Variants in VIPR2 observed in about 807,000 individuals in gnomAD.
The protein encoded by VIPR2 is vasoactive intestinal peptide receptor 2.
VIPR2 carries 48 observed loss-of-function variants against 58.0 expected under a neutral mutation model. That is an observed-to-expected ratio of 0.83 (90% CI 0.66 to 1.05). VIPR2 has a LOEUF of 1.05. Among genes scored for constraint, VIPR2 ranks in the 50% least tolerant of loss-of-function variants. VIPR2 has a pLI of 0.00. For synonymous variants in VIPR2, 243 were observed against 235.2 expected (o/e 1.03, Z -0.30); for missense variants, 534 against 558.0 (o/e 0.96, Z 0.43).
chr7:159,033,449 G>A (rs73522235), intron 10 of VIPR2, among the ~76,000 whole-genome samples: 1,637 of 152,306 alleles, frequency 0.011, 20 homozygotes, highest in African/African-American at 0.037. Flanking sequence ...CACCAAGCCA[G>A]TGTTTAGTTT....
chr7:159,070,569 G>C (rs1398483841), intron 4 of VIPR2, among the ~76,000 whole-genome samples: 1 of 152,144 alleles, frequency 6.6e-6, no homozygotes, highest in Non-Finnish European at 1.5e-5. Context: ...CAGCACGTCA[G>C]GCGTTGTGGG....
intron 6 of VIPR2, among the ~76,000 whole-genome samples, chr7:159,039,592 T>C (rs901559851): frequency 2.2e-4 from 8 of 36,498 alleles, no homozygotes; most frequent in Admixed American, 1.2e-3. Context: ...TGTGGGAGGG[T>C]GTTAGTGGGT....
At chr7:159,088,298 C>A (rs1857294309) in intron 4 of VIPR2, among the ~76,000 whole-genome samples, 1 of 152,124 alleles carries the variant, frequency 6.6e-6, no homozygotes, top group Non-Finnish European at 1.5e-5. Context: ...TGAACACCCG[C>A]ATACCCACTG....
chr7:159,038,402 G>A (rs768618251), intron 6 of VIPR2, among the ~76,000 whole-genome samples: 3 of 152,158 alleles, frequency 2.0e-5, no homozygotes, highest in Non-Finnish European at 4.4e-5. Context: ...CGCGGATCTC[G>A]TGTGTCAACG....
At chr7:159,043,803 G>GT (rs1354359404) in intron 5 of VIPR2, among the ~76,000 whole-genome samples, 1 of 152,220 alleles carries the variant, frequency 6.6e-6, no homozygotes, top group African/African-American at 2.4e-5. Context: ...CTGAGAAGTG[G>GT]TTTTGCAGAC....
rs1400387573 is a variant in VIPR2 at position 159,103,822 on chromosome 7, A to G, written c.292T>C (p.Trp98Arg). Residue 98 changes from tryptophan to arginine, a missense_variant, in exon 4 of 13, where the codon TGG (tryptophan) becomes CGG (arginine). By Grantham distance (101) the Trp-to-Arg change is moderately radical (BLOSUM62 -3). Coordinates refer to ENST00000262178, the MANE Select transcript of VIPR2 (RefSeq NM_003382.5). ...ACGAAATCTGGGAACGTCTCTGACC[A>G]TCCGTCACTCGTACAGTTTTTGCTT... Reference protein sequence around the residue: ...NISKNCTSDGWSETFPDFVDA... With the variant: ...NISKNCTSDGRSETFPDFVDA... 1.9e-6 allele frequency: 3 copies of G among 1,614,176 alleles called. No individual in the cohort carries two copies. The highest frequency in any genetic ancestry group is 2.5e-6 in the Non-Finnish European group (3 of 1,180,032).
intron 5 of VIPR2, among the ~76,000 whole-genome samples, chr7:159,049,236 T>A (rs566927010): frequency 5.6e-4 from 86 of 152,324 alleles, no homozygotes; most frequent in Non-Finnish European, 1.1e-3. Context: ...ACACTTAAAT[T>A]CTGCTTCAGA....
chr7:159,063,787 T>C lies in VIPR2; in HGVS notation c.358-5209A>G, dbSNP rs13307604. ...GGGGTCTGGGAGTCCAGGTGGGGTC[T>C]GGGGGTCCTGGTGGGGTCCGGGGGT... On this transcript the variant is annotated intron_variant, in intron 4 of 12. Transcript: ENST00000262178. Among the ~76,000 whole-genome samples, 182 of 40,148 alleles carry C rather than the reference T, an allele frequency of 4.5e-3. 2 individuals are homozygous for C. Among genetic ancestry groups the C allele is most frequent in the African/African-American group, 0.02 (139 of 6,820 alleles). 26.3% of individuals were successfully genotyped at this position (40,148 alleles called of 152,430 possible). A position where few individuals can be genotyped will look rare whatever the true frequency, so the allele number is the denominator to read the frequency against.
intron 4 of VIPR2, among the ~76,000 whole-genome samples, chr7:159,076,738 A>T (rs1369033784): frequency 6.6e-6 from 1 of 152,250 alleles, no homozygotes; most frequent in Admixed American, 6.5e-5. Flanking sequence ...GAAAAACAGG[A>T]ATTTACTCAA....
intron 4 of VIPR2, among the ~76,000 whole-genome samples, chr7:159,085,488 G>T (rs1857122417): frequency 6.6e-6 from 1 of 152,106 alleles, no homozygotes; most frequent in Non-Finnish European, 1.5e-5. Flanking sequence ...TAGAGACAGG[G>T]TTGCACCATG....
At chr7:159,037,004 G>T in intron 6 of VIPR2, 102 bp from the exon 7 acceptor site, 1 of 1,379,146 alleles carries the variant, frequency 7.3e-7, no homozygotes, top group Non-Finnish European at 9.8e-7. Context: ...TGGTATCTGT[G>T]CAAGGAAGGA....
At chr7:159,054,009 A>C (rs2129493827) in intron 5 of VIPR2, among the ~76,000 whole-genome samples, 1 of 152,356 alleles carries the variant, frequency 6.6e-6, no homozygotes, top group African/African-American at 2.4e-5. Context: ...GGTAATTATA[A>C]TAAACAGAAA....
intron 2 of VIPR2, among the ~76,000 whole-genome samples, chr7:159,118,146 T>TG (rs1177073711): frequency 6.6e-6 from 1 of 152,128 alleles, no homozygotes; most frequent in Non-Finnish European, 1.5e-5. Flanking sequence ...CTCTTCCTGC[T>TG]GGGGGGCTGC....
intron 4 of VIPR2, among the ~76,000 whole-genome samples, chr7:159,081,605 A>G (rs1856906217): frequency 6.6e-6 from 1 of 152,210 alleles, no homozygotes; most frequent in African/African-American, 2.4e-5. Flanking sequence ...AACAAAAGCC[A>G]AAATTGACAA....
intron 5 of VIPR2, among the ~76,000 whole-genome samples, chr7:159,044,625 CAAAT>C (rs1417750564): frequency 1.3e-5 from 2 of 148,848 alleles, no homozygotes; most frequent in Non-Finnish European, 3.0e-5. Flanking sequence ...AAACCATAGA[CAAAT>C]AAAGGAAACC....
Position 159,096,790 on chromosome 7 carries a change from G to C in VIPR2, c.357+6967C>G, listed in dbSNP as rs527938189. 8 of 1,422,656 alleles carry C rather than the reference G, an allele frequency of 5.6e-6. No individual in the cohort carries two copies. The highest frequency in any genetic ancestry group is 7.4e-6 in the Non-Finnish European group (8 of 1,082,158). The allele number at this position is 1,422,656 out of a possible 1,614,324, so 88.1% of individuals were successfully genotyped here. ...TCTGCCCCTGCCTGAGGTCAGTCTC[G>C]TGGCCCCCGCAGCAGCCACAGGCCC... On this transcript the variant is annotated intron_variant, in intron 4 of 12. Transcript: ENST00000262178. The surrounding 1 kb of genome is among the most constrained non-coding windows in gnomAD (Gnocchi z 5.5).
rs1313542880 is a variant in VIPR2 at position 159,031,864 on chromosome 7, C to T, written c.1107G>A (p.Leu369=). 1.2e-6 allele frequency: 2 copies of T among 1,614,102 alleles called. No individual in the cohort carries two copies. The highest frequency in any genetic ancestry group is 2.2e-5 in the East Asian group (1 of 44,860). ...GGAAACAGTAGAGGACGGCCACCAC[C>T]AGGCCCTGCAATGAGAAGAGATGGT... ...FELCLGSFQG[L]VVAVLYCFLN... Residue 369 remains leucine, a synonymous_variant, in exon 12 of 13, where the codon CTG becomes CTA. Coordinates refer to ENST00000262178, the MANE Select transcript of VIPR2 (RefSeq NM_003382.5). The surrounding 1 kb of genome is among the most constrained non-coding windows in gnomAD (Gnocchi z 4.0).
rs188203732 is a variant in VIPR2, at chr7:159,078,999, G to A, written c.358-20421C>T. Among the ~76,000 whole-genome samples, 9 of 152,202 alleles carry A rather than the reference G, an allele frequency of 5.9e-5. No homozygotes were observed. In the East Asian group the frequency reaches 1.7e-3, roughly 29 times the overall value. Reference sequence around the variant, plus strand: ...CTCTGTGAGAACCAAGCAACAACCTGGAGGGCCCACTGAGATCCCACTTTG... The same window carrying A: ...CTCTGTGAGAACCAAGCAACAACCTAGAGGGCCCACTGAGATCCCACTTTG... On this transcript the variant is annotated intron_variant, in intron 4 of 12. Coordinates refer to ENST00000262178, the MANE Select transcript of VIPR2 (RefSeq NM_003382.5).
chr7:159,077,036 T>C (rs1210893892), intron 4 of VIPR2, among the ~76,000 whole-genome samples: 2 of 152,250 alleles, frequency 1.3e-5, no homozygotes, highest in African/African-American at 2.4e-5. Context: ...ATAACCCCTT[T>C]GGTTATCACC....
Sources: allele counts gnomAD v4.1 joint callset (sites outside exome capture counted in the v4.1 genomes callset), GRCh38; gene constraint gnomAD v4.1.1; non-coding constraint Gnocchi (gnomAD v3.1); transcripts MANE v1.5; gene names NCBI Gene and HGNC (gene_info 2026-07-23, HGNC 2026-07-21).